The following PAGE1 variants were observed in gnomAD, a reference collection of about 807,000 sequenced individuals.
PAGE1 encodes the protein PAGE family member 1, also known as P antigen family member 1.
PAGE1 carries 6 observed loss-of-function variants against 11.5 expected under a neutral mutation model. The observed-to-expected ratio is 0.52, with a 90% confidence interval of 0.29 to 1.03. PAGE1 has a LOEUF of 1.03. PAGE1 is among the 50% of genes least tolerant of loss of function. The pLI, the probability that PAGE1 is intolerant of heterozygous loss-of-function variation, is 0.09. For missense variants in PAGE1, 120 were observed against 110.2 expected (o/e 1.09, Z -0.40); for synonymous variants, 42 against 40.2 (o/e 1.05, Z -0.17).
At chrX:49,693,629 G>A (rs1297594649) in intron 3 of PAGE1, among the ~76,000 whole-genome samples, 1 of 111,630 alleles carries the variant, frequency 9.0e-6, no homozygotes, top group Non-Finnish European at 1.9e-5. Flanking sequence ...ATGGTGGCCA[G>A]CAATCAGGAA....
At chrX:49,688,494 C>G (rs891741690) in intron 5 of PAGE1, among the ~76,000 whole-genome samples, 28 of 111,300 alleles carry the variant, frequency 2.5e-4, no homozygotes, top group Middle Eastern at 4.6e-3. Flanking sequence ...AGTGCCCGCT[C>G]CCTTTCTTAG....
chrX:49,691,180 A>G, intron 4 of PAGE1, 69 bp downstream of exon 4: 1 of 1,099,096 alleles, frequency 9.1e-7, no homozygotes. Context: ...TCCATCTCAG[A>G]AAAAAAAGAA....
chrX:49,689,543 C>T lies in PAGE1; in HGVS notation c.293G>A (p.Gly98Glu), dbSNP rs2066896444. Residue 98 changes from glycine (G) to glutamate (E), a missense_variant and splice_region_variant, in exon 5 of 6, where the codon GGG becomes GAG. Transcript: ENST00000376150. ...NEEQMKLPAEGPEPEADSQEQ... is the reference protein window; with the variant it reads ...NEEQMKLPAEEPEPEADSQEQ... ...CTGGCTATCCGCTTCAGGCTCTGGC[C>T]CTTAAAAAAAAAAAAAAAAAAAAAA... is the stretch of plus-strand genomic sequence containing the variant. 3.5e-6 allele frequency: 2 copies of T among 573,037 alleles called. No homozygotes were observed. The highest frequency in any genetic ancestry group is 8.3e-4 in the Middle Eastern group (1 of 1,209). The allele number at this position is 573,037 out of a possible 1,213,427, so 47.2% of individuals were successfully genotyped here.
chrX:49,689,797 T>TGTATATATAC (rs2066905673), intron 4 of PAGE1, among the ~76,000 whole-genome samples: 1 of 63,084 alleles, frequency 1.6e-5, no homozygotes, highest in African/African-American at 6.9e-5. Flanking sequence ...CATATATATG[T>TGTATATATAC]ATATATATGT....
chrX:49,690,239 G>A (rs1557142061), intron 4 of PAGE1, among the ~76,000 whole-genome samples: 1 of 105,154 alleles, frequency 9.5e-6, no homozygotes, highest in African/African-American at 3.5e-5. Flanking sequence ...GCTTTCACTA[G>A]TGTAATAATA....
At chrX:49,692,964 A>G (rs2066926397) in intron 3 of PAGE1, among the ~76,000 whole-genome samples, 1 of 110,862 alleles carries the variant, frequency 9.0e-6, no homozygotes, top group African/African-American at 3.3e-5. Flanking sequence ...AAACCACAGG[A>G]CATGTATAAT....
chrX:49,691,217 C>T (rs782281906), intron 4 of PAGE1, 32 bp downstream of exon 4: 4 of 1,194,308 alleles, frequency 3.3e-6, no homozygotes, highest in Non-Finnish European at 4.5e-6. Flanking sequence ...AAACAGACAC[C>T]CTACAATTTG....
At chrX:49,691,903 G>A (rs1037579128) in intron 3 of PAGE1, among the ~76,000 whole-genome samples, 6 of 112,023 alleles carry the variant, frequency 5.4e-5, no homozygotes, top group Non-Finnish European at 7.5e-5. Context: ...TTGGGAGACC[G>A]AGGTGGGCGG....
chrX:49,689,201 C>T lies in PAGE1; in HGVS notation c.418+217G>A, dbSNP rs527601699. On this transcript the variant is annotated intron_variant, in intron 5 of 5. Coordinates refer to ENST00000376150, the MANE Select transcript of PAGE1 (RefSeq NM_003785.4). Reference sequence around the variant, plus strand: ...ACTAAAAATACAAAAATTAGCTGGGCGTGGTGGAGCACGCCTGTAATCCCA... The same window carrying T: ...ACTAAAAATACAAAAATTAGCTGGGTGTGGTGGAGCACGCCTGTAATCCCA... Among the ~76,000 whole-genome samples, 22 of 108,422 alleles carry T rather than the reference C, an allele frequency of 2.0e-4. 1 individual carries two copies. In the South Asian group the frequency reaches 7.8e-3, roughly 39 times the overall value. 94.2% of individuals were successfully genotyped at this position (108,422 alleles called of 115,157 possible).
In PAGE1 at chrX:49,691,232, C is replaced by T; in HGVS notation, c.292+17G>A. 8.3e-7 allele frequency: 1 copy of T among 1,205,469 alleles called. No individual in the cohort carries two copies. On this transcript the variant is annotated intron_variant, in intron 4 of 5. Coordinates refer to ENST00000376150, the MANE Select transcript of PAGE1 (RefSeq NM_003785.4). The stretch of plus-strand genomic sequence containing the variant: ...AAACAGACACCCTACAATTTGCATG[C>T]TTAATGGACTACCTACCTTCTGCGG...
In PAGE1 at chrX:49,687,528, A is replaced by G. The variant is rs782472519; in HGVS notation, c.*13T>C. On this transcript the variant is annotated 3_prime_UTR_variant, in exon 6 of 6. Coordinates refer to ENST00000376150, the MANE Select transcript of PAGE1 (RefSeq NM_003785.4). Reference sequence around the variant, plus strand: ...ACACAGGAGCAGCCTGAACCATTTCAGCGTGTCTTCTTTTAAGGCTGTGAT... The same window carrying G: ...ACACAGGAGCAGCCTGAACCATTTCGGCGTGTCTTCTTTTAAGGCTGTGAT... 17 of 1,203,428 alleles carry G rather than the reference A, an allele frequency of 1.4e-5. No homozygotes were observed. In the East Asian group the frequency reaches 5.1e-4, roughly 36 times the overall value.
chrX:49,690,349 A>G (rs1691776614), intron 4 of PAGE1, among the ~76,000 whole-genome samples: 1 of 108,532 alleles, frequency 9.2e-6, no homozygotes, highest in Non-Finnish European at 1.9e-5. Context: ...CTTTCCGAAG[A>G]CTGCCCTCAG....
At chrX:49,692,581 C>G (rs1557142328) in intron 3 of PAGE1, among the ~76,000 whole-genome samples, 1 of 110,032 alleles carries the variant, frequency 9.1e-6, no homozygotes, top group Non-Finnish European at 1.9e-5. Flanking sequence ...AAAGTAAAAA[C>G]TTGTAAGAAT....
At position 49,694,086 on chromosome X, in the gene PAGE1, C is replaced by T. The variant is rs1557142549; in HGVS notation, c.166+13G>A. 9.5e-7 allele frequency: 1 copy of T among 1,048,382 alleles called. No homozygotes were observed. The highest frequency in any genetic ancestry group is 1.3e-6 in the Non-Finnish European group (1 of 759,159). 86.4% of individuals were successfully genotyped at this position (1,048,382 alleles called of 1,213,427 possible). Reference sequence around the variant, plus strand: ...CACACCCCAACAGGCATTCTTCTTCCCTTTCCCTTCACCTTGAGCTGCAGA... The same window carrying T: ...CACACCCCAACAGGCATTCTTCTTCTCTTTCCCTTCACCTTGAGCTGCAGA... On this transcript the variant is annotated intron_variant, in intron 3 of 5. Transcript: ENST00000376150.
chrX:49,691,862 C>T lies in PAGE1; in HGVS notation c.167-488G>A, dbSNP rs782131528. On this transcript the variant is annotated intron_variant, in intron 3 of 5. Transcript: ENST00000376150. ...AAAATGTCAGTATCAGCCAGCCGGG[C>T]GTGGTGGCTCACACCTGGAATCCCA... Among the ~76,000 whole-genome samples the T allele has an allele frequency of 8.0e-5, 9 of 112,046 alleles. No homozygotes were observed. In the East Asian group the frequency reaches 2.2e-3, roughly 28 times the overall value.
intron 4 of PAGE1, 135 bp from the exon 5 acceptor site, chrX:49,689,678 ATG>A (rs1179552336): frequency 1.2e-5 from 1 of 80,601 alleles, no homozygotes; most frequent in Non-Finnish European, 2.0e-5. Flanking sequence ...ATATACATAT[ATG>A]TGTGTATATA....
intron 4 of PAGE1, 94 bp from the exon 5 acceptor site, chrX:49,689,637 CAT>C (rs1366868576): frequency 4.3e-4 from 31 of 72,374 alleles, no homozygotes; most frequent in African/African-American, 2.6e-3. Flanking sequence ...TATACATATA[CAT>C]ATATATGTGT....
chrX:49,694,082 C>G lies in PAGE1; in HGVS notation c.166+17G>C. The stretch of plus-strand genomic sequence containing the variant: ...CACACACACCCCAACAGGCATTCTT[C>G]TTCCCTTTCCCTTCACCTTGAGCTG... On this transcript the variant is annotated intron_variant, in intron 3 of 5. Transcript: ENST00000376150. 1.0e-6 allele frequency: 1 copy of G among 1,004,023 alleles called. No individual in the cohort carries two copies. The highest frequency in any genetic ancestry group is 1.4e-6 in the Non-Finnish European group (1 of 717,789). 82.7% of individuals were successfully genotyped at this position (1,004,023 alleles called of 1,213,427 possible).
chrX:49,695,154 C>T (rs1255225888), intron 1 of PAGE1, among the ~76,000 whole-genome samples: 1 of 112,794 alleles, frequency 8.9e-6, no homozygotes, highest in Non-Finnish European at 1.9e-5. Context: ...AGGCGCGCAC[C>T]ACTGCGCCCC....
Sources: allele counts gnomAD v4.1 joint callset (sites outside exome capture counted in the v4.1 genomes callset), GRCh38; gene constraint gnomAD v4.1.1; transcripts MANE v1.5; gene names NCBI Gene and HGNC (gene_info 2026-07-23, HGNC 2026-07-21).